The following ARHGEF9 variants were observed in gnomAD, a reference collection of about 807,000 sequenced individuals.
The protein encoded by ARHGEF9 is rho guanine nucleotide exchange factor 9.
ARHGEF9 carries 2 observed loss-of-function variants against 41.3 expected under a neutral mutation model. The observed-to-expected ratio is 0.05, with a 90% CI of 0.02 to 0.15. The LOEUF (loss-of-function observed/expected upper bound fraction) is 0.15, where lower values mean the gene tolerates loss of function less well. Ranked by LOEUF, ARHGEF9 falls within the 10% of genes least tolerant of loss-of-function variation. The pLI is 1.00. For missense variants in ARHGEF9, 225 were observed against 424.7 expected (o/e 0.53, Z 4.13); for synonymous variants, 160 against 154.4 (o/e 1.04, Z -0.27).
intron 6 of ARHGEF9, chrX:63,670,136 G>A (rs782372634): frequency 3.6e-5 from 4 of 111,227 alleles, no homozygotes; most frequent in African/African-American, 9.8e-5. Flanking sequence ...TCTAATTATA[G>A]GCCAATTGAT....
chrX:63,647,191 C>A (rs782170710), intron 8 of ARHGEF9, among the ~76,000 whole-genome samples: 9 of 111,628 alleles, frequency 8.1e-5, no homozygotes, highest in African/African-American at 2.9e-4. Flanking sequence ...GACAATTTGA[C>A]TTCCTCTTTT....
intron 1 of ARHGEF9, among the ~76,000 whole-genome samples, chrX:63,759,474 C>T (rs1411270806): frequency 1.8e-5 from 2 of 111,419 alleles, no homozygotes; most frequent in African/African-American, 6.6e-5. Context: ...TTCCTCCCTC[C>T]CAAGACAGCC....
chrX:63,760,322 C>T (rs1184874531), intron 1 of ARHGEF9, among the ~76,000 whole-genome samples: 1 of 111,112 alleles, frequency 9.0e-6, no homozygotes, highest in Non-Finnish European at 1.9e-5. Context: ...GCTACTGATA[C>T]GACTAGATGC....
At chrX:63,697,021 C>T (rs2051799588) in intron 4 of ARHGEF9, 104 bp downstream of exon 4, 1 of 883,847 alleles carries the variant, frequency 1.1e-6, no homozygotes, top group African/African-American at 2.0e-5. Context: ...AACCCATTCC[C>T]CACTGCAGGA....
At chrX:63,726,072 TC>T (rs1175288728) in intron 1 of ARHGEF9, among the ~76,000 whole-genome samples, 1 of 112,085 alleles carries the variant, frequency 8.9e-6, no homozygotes, top group Non-Finnish European at 1.9e-5. Context: ...CACATGCTGA[TC>T]TTTGACTTAA....
At chrX:63,649,543 A>G in intron 8 of ARHGEF9, among the ~76,000 whole-genome samples, 1 of 111,904 alleles carries the variant, frequency 8.9e-6, no homozygotes, top group South Asian at 3.7e-4. Flanking sequence ...GAGAAGCAAG[A>G]GCAAATACAT....
chrX:63,785,162 G>C lies in ARHGEF9; in HGVS notation c.-17C>G. ...CCACTGCATGGTGCTTGCGAAGTCCGGCTTCTCTGAGGCCCCGTAGCTGGC... is the reference window on the plus strand; with the variant it reads ...CCACTGCATGGTGCTTGCGAAGTCCCGCTTCTCTGAGGCCCCGTAGCTGGC... On this transcript the variant is annotated 5_prime_UTR_variant, in exon 1 of 10. Transcript: ENST00000671741. 6.0e-6 allele frequency: 7 copies of C among 1,163,425 alleles called. No homozygotes were observed. Among genetic ancestry groups the C allele is most frequent in the Non-Finnish European group, 8.0e-6 (7 of 870,691 alleles).
intron 8 of ARHGEF9, among the ~76,000 whole-genome samples, chrX:63,650,100 T>C (rs1378938003): frequency 5.3e-4 from 59 of 111,172 alleles, no homozygotes; most frequent in Non-Finnish European, 1.3e-4. Flanking sequence ...AGTACAGCCA[T>C]TATAGAAAAA....
At chrX:63,740,254 C>T (rs1280788026) in intron 1 of ARHGEF9, among the ~76,000 whole-genome samples, 1 of 111,915 alleles carries the variant, frequency 8.9e-6, no homozygotes, top group East Asian at 2.8e-4. Context: ...TGAAAAGCAT[C>T]TGTATATGTG....
chrX:63,737,089 C>T (rs1276311436), intron 1 of ARHGEF9: 4 of 111,787 alleles, frequency 3.6e-5, no homozygotes, highest in Non-Finnish European at 7.5e-5. Flanking sequence ...GACTTTCCCT[C>T]CCTGCTCAGG....
chrX:63,681,988 GA>G (rs1396779339), intron 4 of ARHGEF9, among the ~76,000 whole-genome samples: 68 of 110,195 alleles, frequency 6.2e-4, no homozygotes, highest in African/African-American at 2.2e-3. Context: ...AGAAGAAATA[GA>G]GAGCCTGAAC....
chrX:63,678,934 A>G lies in ARHGEF9; in HGVS notation c.583-362T>C, dbSNP rs184419702. On this transcript the variant is annotated intron_variant, in intron 4 of 9. Coordinates refer to ENST00000671741, the MANE Select transcript of ARHGEF9 (RefSeq NM_001353921.2). ...GTGACTCTACTTCTGGCAATGACAG[A>G]CTAAGTTGTTGCAGGCAAACCCTGC... 1.7e-3 allele frequency among the ~76,000 whole-genome samples: 194 copies of G among 111,980 alleles called. 1 individual carries two copies. Among genetic ancestry groups the G allele is most frequent in the African/African-American group, 6.0e-3 (184 of 30,808 alleles).
chrX:63,702,084 G>A (rs1241921725), intron 3 of ARHGEF9, among the ~76,000 whole-genome samples: 1 of 112,542 alleles, frequency 8.9e-6, no homozygotes, highest in Non-Finnish European at 1.9e-5. Flanking sequence ...ATGACTTGAA[G>A]CTACAGCATG....
chrX:63,668,622 G>A (rs2049735132), intron 6 of ARHGEF9, among the ~76,000 whole-genome samples: 1 of 111,806 alleles, frequency 8.9e-6, no homozygotes. Flanking sequence ...GTGTTGTGAG[G>A]ATTATTTAAA....
In ARHGEF9 at chrX:63,784,263, A is replaced by T. The variant is rs782579171; in HGVS notation, c.30+853T>A. ...TCCCCAGAGGCCCTAACCAGGCTTA[A>T]GCTGCTCCTGGCTAAGTCAGAGAGG... On this transcript the variant is annotated intron_variant, in intron 1 of 9. Coordinates refer to ENST00000671741, the MANE Select transcript of ARHGEF9 (RefSeq NM_001353921.2). Among the ~76,000 whole-genome samples the T allele has an allele frequency of 5.6e-4, 63 of 112,411 alleles. 2 individuals are homozygous for T. In the South Asian group the frequency reaches 8.5e-3, roughly 15 times the overall value.
In ARHGEF9 at chrX:63,743,869, T is replaced by C. The variant is rs377412922; in HGVS notation, c.31-19158A>G. Among the ~76,000 whole-genome samples the C allele has an allele frequency of 5.4e-5, 6 of 111,921 alleles. No individual in the cohort carries two copies. The South Asian group carries it at 2.2e-3, about 42-fold the overall frequency. ...TCATAGCAGCGAGTGTGTGACTGCA[T>C]GGGAAATGGAGCTTGGGATAAATAA... is the stretch of plus-strand genomic sequence containing the variant. On this transcript the variant is annotated intron_variant, in intron 1 of 9. Coordinates refer to ENST00000671741, the MANE Select transcript of ARHGEF9 (RefSeq NM_001353921.2).
intron 1 of ARHGEF9, chrX:63,767,451 T>C (rs868980603): frequency 6.2e-6 from 2 of 320,976 alleles, no homozygotes; most frequent in East Asian, 1.6e-4. Context: ...AATCTAGTTC[T>C]GTAATATTTT....
intron 1 of ARHGEF9, 166 bp from the exon 2 acceptor site, chrX:63,724,877 C>T (rs1262127138): frequency 8.2e-6 from 4 of 486,662 alleles, no homozygotes; most frequent in Non-Finnish European, 1.4e-5. Context: ...GACCGCAAGA[C>T]AAACAATACT....
chrX:63,665,752 T>A, intron 7 of ARHGEF9, 134 bp downstream of exon 7: 1 of 836,336 alleles, frequency 1.2e-6, no homozygotes, highest in African/African-American at 2.0e-5. Context: ...GATACAGAAT[T>A]GCTGCCAATC....
Sources: allele counts gnomAD v4.1 joint callset (sites outside exome capture counted in the v4.1 genomes callset), GRCh38; gene constraint gnomAD v4.1.1; transcripts MANE v1.5; gene names NCBI Gene and HGNC (gene_info 2026-07-23, HGNC 2026-07-21).